Variants in DIAPH2 observed in about 807,000 individuals in gnomAD.
DIAPH2 encodes protein diaphanous homolog 2.
In DIAPH2, 35 loss-of-function variants were observed where a neutral mutation model predicts 92.7. The observed-to-expected ratio is 0.38, with a 90% CI of 0.29 to 0.50. The LOEUF is 0.50. Among genes scored for constraint, DIAPH2 ranks in the 20% least tolerant of loss-of-function variants. DIAPH2 has a pLI of 0.94. For synonymous variants in DIAPH2, 301 were observed against 280.4 expected, an observed-to-expected ratio of 1.07 and a Z score of -0.73; for missense variants, 701 against 819.5, an observed-to-expected ratio of 0.86 and a Z score of 1.77.
At chrX:96,955,888 G>A (rs1406208380) in intron 15 of DIAPH2, among the ~76,000 whole-genome samples, 1 of 112,509 alleles carries the variant, frequency 8.9e-6, no homozygotes, top group Non-Finnish European at 1.9e-5. Flanking sequence ...CGTGTTTGTG[G>A]CTTTTCCAGG....
intron 24 of DIAPH2, among the ~76,000 whole-genome samples, chrX:97,365,181 G>A (rs1050837435): frequency 1.8e-5 from 2 of 110,568 alleles, no homozygotes; most frequent in African/African-American, 3.3e-5. Flanking sequence ...CCAAAGCACC[G>A]TTGTTTGCAT....
intron 5 of DIAPH2, among the ~76,000 whole-genome samples, chrX:96,910,693 G>A (rs779630316): frequency 3.6e-5 from 4 of 111,449 alleles, no homozygotes; most frequent in Non-Finnish European, 7.5e-5. Context: ...TACTTACTTA[G>A]TGTTGGCTCT....
At chrX:97,009,250 A>G (rs2066207508) in intron 17 of DIAPH2, among the ~76,000 whole-genome samples, 2 of 111,006 alleles carry the variant, frequency 1.8e-5, no homozygotes, top group Non-Finnish European at 3.8e-5. Context: ...TTTGATGTTC[A>G]TTGAAGGCCG....
chrX:97,478,829 T>C (rs995405986), intron 26 of DIAPH2, among the ~76,000 whole-genome samples: 1 of 111,940 alleles, frequency 8.9e-6, no homozygotes, highest in Non-Finnish European at 1.9e-5. Flanking sequence ...TTTTTTTCAG[T>C]TTCTTTGTTG....
chrX:97,187,281 CTTTTTTTTTTT>C (rs763781923), intron 22 of DIAPH2, among the ~76,000 whole-genome samples: 1 of 36,889 alleles, frequency 2.7e-5, no homozygotes, highest in East Asian at 1.2e-3. Flanking sequence ...ATTAAGTAGC[CTTTTTTTTTTT>C]TTTTTTTTTT....
intron 20 of DIAPH2, among the ~76,000 whole-genome samples, chrX:97,114,272 A>G (rs1325778245): frequency 8.9e-6 from 1 of 112,234 alleles, no homozygotes; most frequent in Non-Finnish European, 1.9e-5. Flanking sequence ...TTCTGATTTC[A>G]AACAGCATAG....
intron 4 of DIAPH2, among the ~76,000 whole-genome samples, chrX:96,857,761 T>C (rs2065049151): frequency 8.9e-6 from 1 of 112,625 alleles, no homozygotes; most frequent in Non-Finnish European, 1.9e-5. Flanking sequence ...GCTGCATGAA[T>C]TTCAACAGCA....
intron 5 of DIAPH2, among the ~76,000 whole-genome samples, chrX:96,898,640 C>T (rs1468673484): frequency 6.5e-5 from 7 of 107,693 alleles, no homozygotes; most frequent in Admixed American, 1.0e-4. Context: ...CTTTGTCAGA[C>T]GAGTAGGTTG....
At chrX:97,155,146 T>G (rs767025715) in intron 22 of DIAPH2, among the ~76,000 whole-genome samples, 2 of 112,138 alleles carry the variant, frequency 1.8e-5, no homozygotes, top group African/African-American at 3.2e-5. Flanking sequence ...ATGTATTAAT[T>G]ATTTGCTTCT....
Position 97,072,956 on chromosome X carries a change from A to G in DIAPH2, c.2066A>G (p.Glu689Gly). The change falls in exon 18 of 27, where the codon GAA becomes GGA. Residue 689 changes from glutamate (E) to glycine (G), a missense_variant. Coordinates refer to ENST00000324765, the MANE Select transcript of DIAPH2 (RefSeq NM_006729.5). ...TTTCTTTCAGTTCAAAAGAACGCAG[A>G]AGCATTAGAAGAAAAGAAGACTGGG... ...ATQIKVQKNA[E>G]ALEEKKTGPT... 8.4e-7 allele frequency: 1 copy of G among 1,196,379 alleles called. No individual in the cohort carries two copies. The highest frequency in any genetic ancestry group is 1.1e-6 in the Non-Finnish European group (1 of 889,444).
At position 97,600,292 on chromosome X, in the gene DIAPH2, A is replaced by G. The variant is rs2071585042; in HGVS notation, c.*975A>G. ...TAGACTTCTAGAAAACCTGAGAGGAAAAAGAATTCTTTTTACAGGAGGCAG... is the reference window on the plus strand; with the variant it reads ...TAGACTTCTAGAAAACCTGAGAGGAGAAAGAATTCTTTTTACAGGAGGCAG... On this transcript the variant is annotated 3_prime_UTR_variant, in exon 27 of 27. Coordinates refer to ENST00000324765, the MANE Select transcript of DIAPH2 (RefSeq NM_006729.5). 1 of 112,422 alleles carries G rather than the reference A, an allele frequency of 8.9e-6. No individual in the cohort carries two copies. The highest frequency in any genetic ancestry group is 1.9e-5 in the Non-Finnish European group (1 of 53,154). 9.3% of individuals were successfully genotyped at this position (112,422 alleles called of 1,213,427 possible). A position where few individuals can be genotyped will look rare whatever the true frequency, so the allele number is the denominator to read the frequency against.
At chrX:96,804,332 A>C (rs950452659) in intron 4 of DIAPH2, among the ~76,000 whole-genome samples, 1 of 111,912 alleles carries the variant, frequency 8.9e-6, no homozygotes, top group African/African-American at 3.3e-5. Flanking sequence ...AGTAAAACTC[A>C]AAATGTTGAT....
intron 23 of DIAPH2, among the ~76,000 whole-genome samples, chrX:97,251,502 G>A (rs956677327): frequency 9.2e-6 from 1 of 108,450 alleles, no homozygotes; most frequent in African/African-American, 3.4e-5. Flanking sequence ...GCGCGATCCC[G>A]GCTCACTGCA....
intron 17 of DIAPH2, among the ~76,000 whole-genome samples, chrX:97,049,925 T>G (rs1159655224): frequency 2.7e-5 from 3 of 111,352 alleles, no homozygotes; most frequent in African/African-American, 9.7e-5. Context: ...TCTATTTCTT[T>G]AAAAGTTACT....
rs868534468 is a variant in DIAPH2, at chrX:97,271,809, A to G, written c.2844+23970A>G. ...TGAGGAGATTGCAATGACTATATAT[A>G]TATGCACACACACACACACACACAC... On this transcript the variant is annotated intron_variant, in intron 23 of 26. Transcript: ENST00000324765. Among the ~76,000 whole-genome samples, 7 of 48,579 alleles carry G rather than the reference A, an allele frequency of 1.4e-4. No homozygotes were observed. In the Admixed American group the frequency reaches 2.3e-3, roughly 16 times the overall value. 42.2% of individuals were successfully genotyped at this position (48,579 alleles called of 115,157 possible).
chrX:97,118,875 A>C (rs764326555), intron 21 of DIAPH2, among the ~76,000 whole-genome samples: 39 of 112,321 alleles, frequency 3.5e-4, no homozygotes, highest in African/African-American at 1.2e-3. Flanking sequence ...TTACTAGCCA[A>C]ATTTTCCTGA....
intron 23 of DIAPH2, among the ~76,000 whole-genome samples, chrX:97,291,556 CAG>C (rs1306199669): frequency 9.3e-6 from 1 of 107,466 alleles, no homozygotes; most frequent in Non-Finnish European, 1.9e-5. Context: ...TTTTTTGAGA[CAG>C]AGTCTCACTC....
chrX:96,816,607 C>A (rs1445252617), intron 4 of DIAPH2, among the ~76,000 whole-genome samples: 1 of 111,855 alleles, frequency 8.9e-6, no homozygotes, highest in Non-Finnish European at 1.9e-5. Flanking sequence ...AAAAGGGAAC[C>A]CTCATGCACT....
At chrX:97,140,905 T>C (rs924549658) in intron 21 of DIAPH2, among the ~76,000 whole-genome samples, 11 of 111,737 alleles carry the variant, frequency 9.8e-5, no homozygotes, top group Non-Finnish European at 1.9e-4. Flanking sequence ...ATGAGAAAAC[T>C]TGATACTTTA....
Sources: gnomAD v4.1 joint callset for allele counts (sites outside exome capture counted in the v4.1 genomes callset) on GRCh38, gnomAD v4.1.1 for gene constraint, MANE v1.5 for transcripts, NCBI Gene and HGNC (gene_info 2026-07-23, HGNC 2026-07-21) for gene names.